The following PDE1A variants were observed in gnomAD, a reference collection of about 807,000 sequenced individuals.
The protein encoded by PDE1A is phosphodiesterase 1A.
Under a neutral mutation model 61.7 loss-of-function variants are expected in PDE1A, and 35 were observed. The ratio of observed to expected loss-of-function variants is 0.57; its 90% CI spans 0.43 to 0.75. The LOEUF (loss-of-function observed/expected upper bound fraction) is 0.75. Among genes scored for constraint, PDE1A ranks in the 30% least tolerant of loss-of-function variants. PDE1A has a pLI of 0.00. For synonymous variants in PDE1A, 232 were observed against 213.2 expected, an observed-to-expected ratio of 1.09 and a Z score of -0.77; for missense variants, 597 against 630.6, an observed-to-expected ratio of 0.95 and a Z score of 0.57.
intron 2 of PDE1A, among the ~76,000 whole-genome samples, chr2:182,485,667 G>C (rs1368996175): frequency 6.6e-6 from 1 of 151,790 alleles, no homozygotes; most frequent in Non-Finnish European, 1.5e-5. Flanking sequence ...ATTTATCCCA[G>C]GAATGCGAGA....
At chr2:182,492,262 ATG>A (rs1309377482) in intron 2 of PDE1A, among the ~76,000 whole-genome samples, 1 of 152,168 alleles carries the variant, frequency 6.6e-6, no homozygotes, top group Non-Finnish European at 1.5e-5. Flanking sequence ...CTAATTATTT[ATG>A]TGATTATTTG....
At chr2:182,714,314 C>T in the PDE1A span, among the ~76,000 whole-genome samples, 1 of 152,294 alleles carries the variant, frequency 6.6e-6, no homozygotes, top group South Asian at 2.1e-4. Flanking sequence ...ACTTATTCTG[C>T]ACACTTTCTT....
intron 7 of PDE1A, 27 bp downstream of exon 7, chr2:182,223,837 T>G: frequency 7.7e-7 from 1 of 1,303,872 alleles, no homozygotes; most frequent in Non-Finnish European, 1.1e-6. Context: ...TTTTAACTAA[T>G]GAAAGTTAAT....
chr2:182,327,362 A>G (rs962699173), intron 1 of PDE1A, among the ~76,000 whole-genome samples: 1 of 152,222 alleles, frequency 6.6e-6, no homozygotes, highest in African/African-American at 2.4e-5. Flanking sequence ...AGAGCATTCC[A>G]GGCAGAGAAA....
upstream of PDE1A, among the ~76,000 whole-genome samples, chr2:182,525,064 C>T (rs988102040): frequency 6.6e-6 from 1 of 151,928 alleles, no homozygotes; most frequent in Non-Finnish European, 1.5e-5. Context: ...TGATTTTTTA[C>T]AAGTTACAAT....
the PDE1A span, among the ~76,000 whole-genome samples, chr2:182,662,949 T>C: frequency 6.6e-6 from 1 of 152,060 alleles, no homozygotes; most frequent in African/African-American, 2.4e-5. Context: ...AGGTCTAATA[T>C]CCAGCAACTA....
chr2:182,670,211 AG>A, the PDE1A span, among the ~76,000 whole-genome samples: 1 of 152,140 alleles, frequency 6.6e-6, no homozygotes, highest in Non-Finnish European at 1.5e-5. Flanking sequence ...AAAGGTACTC[AG>A]GGGGTTTACC....
At chr2:182,707,622 A>G in the PDE1A span, among the ~76,000 whole-genome samples, 1 of 152,244 alleles carries the variant, frequency 6.6e-6, no homozygotes, top group Non-Finnish European at 1.5e-5. Flanking sequence ...CTAGCAAAGA[A>G]ATTACATACA....
At position 182,442,830 on chromosome 2, in the gene PDE1A, T is replaced by C. The variant is rs1684880243; in HGVS notation, c.101+79446A>G. 3.9e-5 allele frequency among the ~76,000 whole-genome samples: 6 copies of C among 152,232 alleles called. No individual in the cohort carries two copies. In the South Asian group the frequency reaches 1.2e-3, roughly 32 times the overall value. Reference sequence around the variant, plus strand: ...TATAATTTAGCATCATCTTGAAATGTTGTATCTTACAATAAATTTTGCTAC... The same window carrying C: ...TATAATTTAGCATCATCTTGAAATGCTGTATCTTACAATAAATTTTGCTAC... On this transcript the variant is annotated intron_variant, in intron 2 of 14. Coordinates refer to the PDE1A transcript ENST00000410103.
chr2:182,677,921 C>G, the PDE1A span, among the ~76,000 whole-genome samples: 1 of 152,094 alleles, frequency 6.6e-6, no homozygotes, highest in African/African-American at 2.4e-5. Context: ...CAGTTCAACC[C>G]AGGAATTCTA....
the PDE1A span, among the ~76,000 whole-genome samples, chr2:182,643,593 G>T: frequency 1.3e-5 from 2 of 152,170 alleles, no homozygotes; most frequent in Non-Finnish European, 2.9e-5. Context: ...GTTCTAAGAA[G>T]GAAGTGAAGG....
chr2:182,325,672 G>A (rs954941271), intron 1 of PDE1A, among the ~76,000 whole-genome samples: 1 of 152,112 alleles, frequency 6.6e-6, no homozygotes, highest in East Asian at 1.9e-4. Context: ...AATCCCAGTA[G>A]TTTGGGAGGC....
intron 1 of PDE1A, among the ~76,000 whole-genome samples, chr2:182,288,108 C>T (rs1212881430): frequency 2.6e-5 from 4 of 152,158 alleles, no homozygotes; most frequent in Middle Eastern, 3.4e-3. Flanking sequence ...TGTTTCAGTA[C>T]AATTTTAGTT....
chr2:182,599,221 T>A, the PDE1A span, among the ~76,000 whole-genome samples: 2 of 152,192 alleles, frequency 1.3e-5, no homozygotes, highest in Non-Finnish European at 2.9e-5. Context: ...TATGGGTGCC[T>A]GCTCCCATGA....
At chr2:182,527,549 C>T (rs565600243), upstream of PDE1A, among the ~76,000 whole-genome samples, 248 of 148,914 alleles carry the variant, frequency 1.7e-3, no homozygotes, top group Non-Finnish European at 3.0e-3. Flanking sequence ...CAGAGAGACC[C>T]CATGTCAAAA....
chr2:182,315,489 T>C (rs2125967604), intron 1 of PDE1A, among the ~76,000 whole-genome samples: 1 of 152,310 alleles, frequency 6.6e-6, no homozygotes, highest in African/African-American at 2.4e-5. Context: ...TGTCTGATTA[T>C]CCATTCAAGG....
At chr2:182,620,980 C>T in the PDE1A span, among the ~76,000 whole-genome samples, 5 of 152,136 alleles carry the variant, frequency 3.3e-5, no homozygotes, top group South Asian at 2.1e-4. Context: ...TGAGACAATT[C>T]GCATTCCTGC....
chr2:182,655,716 C>T, the PDE1A span, among the ~76,000 whole-genome samples: 3 of 152,176 alleles, frequency 2.0e-5, no homozygotes, highest in South Asian at 6.2e-4. Context: ...TCTCCTCTAG[C>T]CAGTAGGTGG....
intron 1 of PDE1A, among the ~76,000 whole-genome samples, chr2:182,276,583 G>C (rs555222139): frequency 6.6e-6 from 1 of 151,350 alleles, no homozygotes; most frequent in Admixed American, 6.6e-5. Context: ...TGTAAAACAT[G>C]TGTGTTTGAA....
Sources: allele counts gnomAD v4.1 joint callset (sites outside exome capture counted in the v4.1 genomes callset), GRCh38; gene constraint gnomAD v4.1.1; transcripts MANE v1.5; gene names NCBI Gene and HGNC (gene_info 2026-07-23, HGNC 2026-07-21).